FSHR: variants seen among roughly 807,000 people sequenced by gnomAD.
FSHR encodes follicle stimulating hormone receptor.
A neutral mutation model predicts 52.1 loss-of-function variants in FSHR; 46 were observed. That is an observed-to-expected ratio of 0.88 (90% CI 0.70 to 1.13). The LOEUF is 1.13. FSHR is among the 50% of genes most tolerant of loss of function. FSHR has a pLI of 0.00. For synonymous variants in FSHR, 399 were observed against 309.6 expected (o/e 1.29, Z -3.03); for missense variants, 964 against 834.6 (o/e 1.16, Z -1.91).
At chr2:49,037,009 G>C (rs973954381) in intron 2 of FSHR, among the ~76,000 whole-genome samples, 2 of 152,176 alleles carry the variant, frequency 1.3e-5, no homozygotes, top group Non-Finnish European at 1.5e-5. Context: ...CTGGGTCTTG[G>C]AGCTTCAAAA....
intron 9 of FSHR, among the ~76,000 whole-genome samples, chr2:48,968,046 A>C (rs1177285276): frequency 2.6e-5 from 4 of 152,026 alleles, no homozygotes; most frequent in Admixed American, 6.5e-5. Context: ...CTTTCTCTTT[A>C]CTCTTTCCAG....
At chr2:49,049,381 T>G (rs936484922) in intron 2 of FSHR, among the ~76,000 whole-genome samples, 2 of 152,120 alleles carry the variant, frequency 1.3e-5, no homozygotes, top group Non-Finnish European at 2.9e-5. Context: ...AGATTGCGTT[T>G]GATAGCAAGT....
At chr2:49,051,213 G>T (rs1487503547) in intron 2 of FSHR, among the ~76,000 whole-genome samples, 1 of 151,990 alleles carries the variant, frequency 6.6e-6, no homozygotes, top group Non-Finnish European at 1.5e-5. Context: ...CAGTCTCTGT[G>T]TAGAAATATA....
At chr2:49,014,985 G>T (rs985219414) in intron 4 of FSHR, 7 of 450,192 alleles carry the variant, frequency 1.6e-5, no homozygotes, top group African/African-American at 1.4e-4. Flanking sequence ...AAGGAAGAAA[G>T]AATGAAGGAA....
At chr2:49,076,664 C>A (rs1479416895) in intron 1 of FSHR, among the ~76,000 whole-genome samples, 3 of 152,188 alleles carry the variant, frequency 2.0e-5, no homozygotes, top group African/African-American at 7.2e-5. Flanking sequence ...AGAGTCTCAT[C>A]TGAGACAAGG....
intron 1 of FSHR, among the ~76,000 whole-genome samples, chr2:49,110,016 G>A (rs1264432203): frequency 2.0e-5 from 3 of 152,090 alleles, no homozygotes; most frequent in African/African-American, 7.2e-5. Flanking sequence ...AGTTGCATGA[G>A]GAGGCCAAGA....
chr2:49,146,331 A>C (rs1432821870), intron 1 of FSHR, among the ~76,000 whole-genome samples: 3 of 152,056 alleles, frequency 2.0e-5, no homozygotes. Flanking sequence ...GTGCTCAAGG[A>C]TGTGGCCCTT....
At chr2:49,124,019 C>T (rs2349716) in intron 1 of FSHR, among the ~76,000 whole-genome samples, 37,216 of 151,232 alleles carry the variant, frequency 0.25, 4,921 homozygotes, top group East Asian at 0.47. Flanking sequence ...GAATTTCGCT[C>T]TATCACCCAG....
intron 1 of FSHR, among the ~76,000 whole-genome samples, chr2:49,108,059 C>G (rs1289767324): frequency 6.6e-6 from 1 of 152,090 alleles, no homozygotes; most frequent in Non-Finnish European, 1.5e-5. Context: ...AGTAGATTGC[C>G]TTCTCTAACG....
intron 4 of FSHR, among the ~76,000 whole-genome samples, chr2:49,006,867 A>G (rs1391990433): frequency 6.6e-6 from 1 of 152,012 alleles, no homozygotes; most frequent in Non-Finnish European, 1.5e-5. Flanking sequence ...ACGACTCTCT[A>G]CTTTTACTAC....
chr2:49,007,214 C>T (rs183800734), intron 4 of FSHR, among the ~76,000 whole-genome samples: 11 of 152,044 alleles, frequency 7.2e-5, no homozygotes, highest in East Asian at 3.9e-4. Context: ...TAGCTAAGCA[C>T]GAAAAGTATA....
chr2:48,999,408 T>C (rs917942), intron 4 of FSHR, among the ~76,000 whole-genome samples: 113,216 of 151,854 alleles, frequency 0.75, 42,490 homozygotes, highest in Admixed American at 0.82. Flanking sequence ...TTTTTCTTAA[T>C]GTAAAATTTG....
At chr2:49,144,580 T>C (rs1299187341) in intron 1 of FSHR, among the ~76,000 whole-genome samples, 1 of 152,204 alleles carries the variant, frequency 6.6e-6, no homozygotes, top group African/African-American at 2.4e-5. Context: ...TTCATTGCTT[T>C]TCCAGTTTGT....
At chr2:48,985,180 C>G (rs1257025186) in intron 6 of FSHR, among the ~76,000 whole-genome samples, 3 of 152,184 alleles carry the variant, frequency 2.0e-5, no homozygotes, top group Non-Finnish European at 4.4e-5. Context: ...GTTACTGCAT[C>G]ACAGGCTTAC....
chr2:49,085,271 A>G (rs1670331326), intron 1 of FSHR, among the ~76,000 whole-genome samples: 1 of 152,282 alleles, frequency 6.6e-6, no homozygotes, highest in Admixed American at 6.5e-5. Flanking sequence ...TAGATGCAGA[A>G]AAGGCCTTTG....
intron 9 of FSHR, 43 bp downstream of exon 9, chr2:48,968,655 A>G (rs1674587718): frequency 6.2e-7 from 1 of 1,602,758 alleles, no homozygotes; most frequent in Non-Finnish European, 8.5e-7. Context: ...ACAAAGTTCT[A>G]CATTGGGGAA....
At chr2:49,132,749 A>G (rs1298970919) in intron 1 of FSHR, among the ~76,000 whole-genome samples, 4 of 151,954 alleles carry the variant, frequency 2.6e-5, no homozygotes, top group African/African-American at 7.3e-5. Flanking sequence ...GCTTCTTTCA[A>G]CCACAACCCA....
intron 1 of FSHR, among the ~76,000 whole-genome samples, chr2:49,072,206 C>T (rs1369477678): frequency 6.6e-6 from 1 of 151,964 alleles, no homozygotes; most frequent in Non-Finnish European, 1.5e-5. Context: ...GTGGAAAGAA[C>T]AAAACCAAAA....
chr2:49,039,913 C>G (rs935669644), intron 2 of FSHR, among the ~76,000 whole-genome samples: 1 of 75,466 alleles, frequency 1.3e-5, no homozygotes, highest in Non-Finnish European at 2.6e-5. Context: ...TTATAACTTT[C>G]TACATTGGTG....
Sources: allele counts gnomAD v4.1 joint callset (sites outside exome capture counted in the v4.1 genomes callset), GRCh38; gene constraint gnomAD v4.1.1; transcripts MANE v1.5; gene names NCBI Gene and HGNC (gene_info 2026-07-23, HGNC 2026-07-21).